The following DOCK1 variants were observed in gnomAD, a reference collection of about 807,000 sequenced individuals.
DOCK1 encodes the protein dedicator of cytokinesis 1.
DOCK1 carries 138 observed loss-of-function variants against 262.7 expected under a neutral mutation model. The observed-to-expected ratio is 0.53, with a 90% CI of 0.46 to 0.61. DOCK1 has a LOEUF of 0.61. Among genes scored for constraint, DOCK1 ranks in the 20% least tolerant of loss-of-function variants. The probability of loss-of-function intolerance (pLI) is 0.00; values close to 1 mark genes in which losing one functional copy is unlikely to be tolerated. For synonymous variants in DOCK1, 866 were observed against 867.4 expected (o/e 1.00, Z 0.03); for missense variants, 1,908 against 2,370.7 (o/e 0.80, Z 4.05).
chr10:126,959,971 G>A (rs1420364590), intron 1 of DOCK1, among the ~76,000 whole-genome samples: 2 of 132,094 alleles, frequency 1.5e-5, no homozygotes, highest in Admixed American at 1.5e-4. Flanking sequence ...CACCATGCCC[G>A]GCTAATTTGT....
intron 1 of DOCK1, among the ~76,000 whole-genome samples, chr10:126,918,416 C>G (rs1284859850): frequency 1.3e-5 from 2 of 152,230 alleles, no homozygotes; most frequent in Admixed American, 6.5e-5. Context: ...GATGACGGTA[C>G]TTTTTATTGC....
intron 27 of DOCK1, among the ~76,000 whole-genome samples, chr10:127,245,368 C>A (rs764037930): frequency 6.6e-6 from 1 of 152,236 alleles, no homozygotes; most frequent in Non-Finnish European, 1.5e-5. Flanking sequence ...AAAGAGGGCA[C>A]GCACAGTGCC....
intron 32 of DOCK1, among the ~76,000 whole-genome samples, chr10:127,359,890 G>T (rs1039965813): frequency 3.3e-5 from 5 of 152,260 alleles, no homozygotes; most frequent in African/African-American, 7.2e-5. Flanking sequence ...AATAAGATTG[G>T]TTAATTCGGG....
chr10:126,991,382 A>G (rs2039774666), intron 6 of DOCK1, among the ~76,000 whole-genome samples: 1 of 152,224 alleles, frequency 6.6e-6, no homozygotes, highest in African/African-American at 2.4e-5. Flanking sequence ...AGCCTTAAAA[A>G]GTATCTGGTC....
chr10:127,112,028 T>C (rs186151177), intron 25 of DOCK1, among the ~76,000 whole-genome samples: 29 of 151,540 alleles, frequency 1.9e-4, no homozygotes, highest in Admixed American at 1.6e-3. Context: ...TTTTTTTTTT[T>C]CGAGACATAG....
intron 29 of DOCK1, among the ~76,000 whole-genome samples, chr10:127,301,472 A>G (rs573773097): frequency 4.3e-4 from 65 of 152,338 alleles, no homozygotes; most frequent in African/African-American, 1.5e-3. Flanking sequence ...GAGGGAGGAA[A>G]GAAGGGTGTT....
chr10:127,086,633 A>G (rs1025486327), intron 23 of DOCK1, among the ~76,000 whole-genome samples: 1 of 152,168 alleles, frequency 6.6e-6, no homozygotes, highest in African/African-American at 2.4e-5. Context: ...AACTGCTAAT[A>G]TTATTTAAAT....
rs139515222 is a variant in DOCK1, at chr10:127,346,417, A to C, written c.3224+2671A>C. ...TGAGACCAGCCTGGACAACACAACA[A>C]CACCCCTTTCTCCACAAAAAATACA... is the stretch of plus-strand genomic sequence containing the variant. On this transcript the variant is annotated intron_variant, in intron 31 of 51. Coordinates refer to ENST00000623213, the MANE Select transcript of DOCK1 (RefSeq NM_001290223.2). Among the ~76,000 whole-genome samples the C allele has an allele frequency of 8.8e-3, 1,334 of 152,174 alleles. 5 individuals carry two copies. The highest frequency in any genetic ancestry group is 0.014 in the Non-Finnish European group (944 of 68,004).
intron 23 of DOCK1, among the ~76,000 whole-genome samples, chr10:127,099,241 G>T (rs2048089393): frequency 6.6e-6 from 1 of 152,150 alleles, no homozygotes; most frequent in Non-Finnish European, 1.5e-5. Context: ...AGTCATGGAG[G>T]GTCGACTTCC....
chr10:127,244,177 A>G (rs552252417), intron 27 of DOCK1, among the ~76,000 whole-genome samples: 28 of 152,058 alleles, frequency 1.8e-4, no homozygotes, highest in Middle Eastern at 6.8e-3. Context: ...TTTCTAGTAT[A>G]TGTATCTCTC....
chr10:127,037,851 T>C, intron 19 of DOCK1, 35 bp downstream of exon 19: 4 of 718,850 alleles, frequency 5.6e-6, no homozygotes, highest in African/African-American at 1.9e-5. Flanking sequence ...TTTGGGTCTT[T>C]TTTTTTTTTT....
At chr10:127,228,985 C>T (rs2058740929) in intron 27 of DOCK1, among the ~76,000 whole-genome samples, 1 of 152,098 alleles carries the variant, frequency 6.6e-6, no homozygotes, top group Non-Finnish European at 1.5e-5. Flanking sequence ...GTAATCCCAG[C>T]ACTCTGGGAG....
intron 27 of DOCK1, among the ~76,000 whole-genome samples, chr10:127,245,315 T>G (rs957743403): frequency 6.6e-6 from 1 of 152,260 alleles, no homozygotes; most frequent in Non-Finnish European, 1.5e-5. Flanking sequence ...AAGGAAAGAC[T>G]GAACGATGCA....
At chr10:127,451,300 T>A in intron 51 of DOCK1, 32 bp from the exon 52 acceptor site, 1 of 1,565,164 alleles carries the variant, frequency 6.4e-7, no homozygotes, top group Non-Finnish European at 8.7e-7. Context: ...ACATCAGTTA[T>A]GTGACATCTT....
At chr10:127,252,201 T>C (rs1274373823) in intron 28 of DOCK1, among the ~76,000 whole-genome samples, 1 of 135,496 alleles carries the variant, frequency 7.4e-6, no homozygotes, top group Non-Finnish European at 1.6e-5. Flanking sequence ...GAAGTGTCTG[T>C]TCATGTCCTT....
At chr10:127,294,885 G>A (rs143194652) in intron 29 of DOCK1, among the ~76,000 whole-genome samples, 3,875 of 151,218 alleles carry the variant, frequency 0.026, 154 homozygotes, top group African/African-American at 0.086. Flanking sequence ...CAGTTGATCC[G>A]CCCGCCTCAG....
intron 1 of DOCK1, among the ~76,000 whole-genome samples, chr10:126,947,294 G>A (rs1296791354): frequency 1.4e-5 from 2 of 145,388 alleles, no homozygotes; most frequent in African/African-American, 5.0e-5. Flanking sequence ...GTGGTGGTTG[G>A]TAGTATTACT....
At chr10:127,138,024 G>T in intron 27 of DOCK1, 1 of 1,601,050 alleles carries the variant, frequency 6.2e-7, no homozygotes, top group South Asian at 1.1e-5. Flanking sequence ...CTCCACACTA[G>T]AAAAGAGAGA....
At chr10:127,307,836 C>T (rs1461798000) in intron 29 of DOCK1, among the ~76,000 whole-genome samples, 1 of 152,260 alleles carries the variant, frequency 6.6e-6, no homozygotes, top group Non-Finnish European at 1.5e-5. Flanking sequence ...GGGAGCCCCA[C>T]CCCTCAGAAG....
Sources: gnomAD v4.1 joint callset for allele counts (sites outside exome capture counted in the v4.1 genomes callset) on GRCh38, gnomAD v4.1.1 for gene constraint, MANE v1.5 for transcripts, NCBI Gene and HGNC (gene_info 2026-07-23, HGNC 2026-07-21) for gene names.